Variants in ILRUN observed in about 807,000 individuals in gnomAD.
The protein encoded by ILRUN is protein ILRUN.
Under a neutral mutation model 33.8 loss-of-function variants are expected in ILRUN, and 3 were observed. The observed-to-expected ratio is 0.09, with a 90% confidence interval of 0.04 to 0.23. The LOEUF (loss-of-function observed/expected upper bound fraction) is 0.23, where lower values mean the gene tolerates loss of function less well. Among genes scored for constraint, ILRUN ranks in the 10% least tolerant of loss-of-function variants. The pLI, the probability that ILRUN is intolerant of heterozygous loss-of-function variation, is 1.00. For missense variants in ILRUN, 210 were observed against 375.1 expected (o/e 0.56, Z 3.64); for synonymous variants, 124 against 138.9 (o/e 0.89, Z 0.75).
chr6:34,621,309 C>A (rs1762008418), intron 3 of ILRUN, among the ~76,000 whole-genome samples: 1 of 152,062 alleles, frequency 6.6e-6, no homozygotes, highest in Non-Finnish European at 1.5e-5. Context: ...AAAAGGATTC[C>A]CCCACTTCAA....
intron 1 of ILRUN, among the ~76,000 whole-genome samples, chr6:34,658,917 T>C (rs1377877531): frequency 6.6e-6 from 1 of 152,204 alleles, no homozygotes; most frequent in African/African-American, 2.4e-5. Flanking sequence ...CAAAACTGAG[T>C]TGATACTACC....
intron 3 of ILRUN, among the ~76,000 whole-genome samples, chr6:34,611,607 GTTTCATA>G (rs1477003721): frequency 6.6e-6 from 1 of 152,128 alleles, no homozygotes; most frequent in Non-Finnish European, 1.5e-5. Flanking sequence ...TAATAAGCTT[GTTTCATA>G]GACAATGACC....
intron 3 of ILRUN, among the ~76,000 whole-genome samples, chr6:34,633,466 C>A (rs1762287766): frequency 6.6e-6 from 1 of 152,146 alleles, no homozygotes; most frequent in Admixed American, 6.6e-5. Context: ...ACACTCAACT[C>A]AGCAAAATAC....
chr6:34,684,577 G>C (rs375739488), intron 1 of ILRUN, among the ~76,000 whole-genome samples: 1 of 152,080 alleles, frequency 6.6e-6, no homozygotes, highest in Non-Finnish European at 1.5e-5. Context: ...GGCTGTTAGG[G>C]GGCACTGTCC....
intron 1 of ILRUN, among the ~76,000 whole-genome samples, chr6:34,683,484 A>G (rs1429742398): frequency 3.0e-4 from 32 of 108,352 alleles, no homozygotes; most frequent in South Asian, 1.3e-3. Context: ...ACATATATAT[A>G]TACATATATA....
At chr6:34,659,681 G>T (rs9469840) in intron 1 of ILRUN, among the ~76,000 whole-genome samples, 22,924 of 143,650 alleles carry the variant, frequency 0.16, 2,414 homozygotes, top group African/African-American at 0.3. Context: ...GAGTGCAGTG[G>T]TGCTATCTCG....
At chr6:34,691,262 C>T (rs1396539244) in intron 1 of ILRUN, among the ~76,000 whole-genome samples, 3 of 152,202 alleles carry the variant, frequency 2.0e-5, no homozygotes, top group Non-Finnish European at 4.4e-5. Flanking sequence ...AATAGTATCT[C>T]TGAAAGACAT....
intron 3 of ILRUN, among the ~76,000 whole-genome samples, chr6:34,624,865 CTT>C (rs1762083490): frequency 6.6e-6 from 1 of 152,166 alleles, no homozygotes; most frequent in African/African-American, 2.4e-5. Flanking sequence ...ACTAGTTACT[CTT>C]GGTGAAAGCT....
intron 1 of ILRUN, among the ~76,000 whole-genome samples, chr6:34,674,195 T>A (rs1763180951): frequency 1.3e-5 from 2 of 152,152 alleles, no homozygotes; most frequent in South Asian, 4.1e-4. Flanking sequence ...CCCAGCTAAT[T>A]TTTGTATTTT....
chr6:34,593,331 C>T (rs1249934722), intron 4 of ILRUN, among the ~76,000 whole-genome samples: 2 of 152,250 alleles, frequency 1.3e-5, no homozygotes, highest in Non-Finnish European at 1.5e-5. Flanking sequence ...AAGCTCTACA[C>T]ACTTCATGTG....
Position 34,650,166 on chromosome 6 carries a change from A to C in ILRUN, c.314-3368T>G, listed in dbSNP as rs929122552. Among the ~76,000 whole-genome samples, 5 of 152,284 alleles carry C rather than the reference A, an allele frequency of 3.3e-5. No homozygotes were observed. The East Asian group carries it at 7.7e-4, about 24-fold the overall frequency. On this transcript the variant is annotated intron_variant, in intron 2 of 4. Transcript: ENST00000374023. The stretch of plus-strand genomic sequence containing the variant: ...AGAGCATGGTAGTATAACAACTGAG[A>C]AGCTCTAGGTGCTGGTAAAGAGAAT...
intron 3 of ILRUN, among the ~76,000 whole-genome samples, chr6:34,636,429 T>C (rs1051793882): frequency 2.0e-5 from 3 of 152,064 alleles, no homozygotes; most frequent in Non-Finnish European, 1.5e-5. Context: ...AAATAAAAAT[T>C]ACAGAACTAA....
chr6:34,677,324 A>G (rs757404281), intron 1 of ILRUN, among the ~76,000 whole-genome samples: 1 of 152,074 alleles, frequency 6.6e-6, no homozygotes, highest in African/African-American at 2.4e-5. Context: ...AAAAAGAGAG[A>G]GAGAGATGAA....
intron 3 of ILRUN, among the ~76,000 whole-genome samples, chr6:34,624,644 A>T (rs1762078704): frequency 6.6e-6 from 1 of 152,000 alleles, no homozygotes; most frequent in Non-Finnish European, 1.5e-5. Flanking sequence ...ACCTAATTCA[A>T]CTTTAAATTC....
intron 4 of ILRUN, among the ~76,000 whole-genome samples, chr6:34,594,757 G>A (rs1761365937): frequency 6.6e-6 from 1 of 152,252 alleles, no homozygotes; most frequent in Non-Finnish European, 1.5e-5. Flanking sequence ...TGTTGGGGAA[G>A]AGACTTTTGC....
intron 3 of ILRUN, among the ~76,000 whole-genome samples, chr6:34,635,393 T>C (rs957501167): frequency 2.6e-5 from 4 of 151,958 alleles, no homozygotes; most frequent in Non-Finnish European, 4.4e-5. Context: ...CGGGGTGTAA[T>C]GACGCGTGCC....
intron 1 of ILRUN, among the ~76,000 whole-genome samples, chr6:34,659,583 T>C (rs2127369373): frequency 6.6e-6 from 1 of 152,024 alleles, no homozygotes; most frequent in African/African-American, 2.4e-5. Flanking sequence ...CATAGAACAT[T>C]TATTTTTGTT....
At chr6:34,678,031 C>A (rs1763274820) in intron 1 of ILRUN, among the ~76,000 whole-genome samples, 1 of 150,676 alleles carries the variant, frequency 6.6e-6, no homozygotes. Flanking sequence ...TTTAATATTA[C>A]CTAATTTCAC....
chr6:34,628,192 TG>T (rs1762176975), intron 3 of ILRUN, among the ~76,000 whole-genome samples: 1 of 151,694 alleles, frequency 6.6e-6, no homozygotes, highest in South Asian at 2.1e-4. Context: ...CGCTAATTTT[TG>T]TATTTTTAGT....
Sources: allele counts gnomAD v4.1 joint callset (sites outside exome capture counted in the v4.1 genomes callset), GRCh38; gene constraint gnomAD v4.1.1; transcripts MANE v1.5; gene names NCBI Gene and HGNC (gene_info 2026-07-23, HGNC 2026-07-21).